Variants in KIF11 observed in about 807,000 individuals in gnomAD.
The protein encoded by KIF11 is kinesin family member 11.
Under a neutral mutation model 121.0 loss-of-function variants are expected in KIF11, and 9 were observed. That is an observed-to-expected ratio of 0.07 (90% CI 0.04 to 0.13). The LOEUF (loss-of-function observed/expected upper bound fraction) is 0.13. Among genes scored for constraint, KIF11 ranks in the 10% least tolerant of loss-of-function variants. The probability of loss-of-function intolerance (pLI) is 1.00; values close to 1 mark genes in which losing one functional copy is unlikely to be tolerated. For synonymous variants in KIF11, 408 were observed against 421.0 expected (o/e 0.97, Z 0.38); for missense variants, 846 against 1,217.5 (o/e 0.69, Z 4.54).
chr10:92,614,101 ATT>A (rs199546714), intron 8 of KIF11, among the ~76,000 whole-genome samples: 1 of 133,422 alleles, frequency 7.5e-6, no homozygotes, highest in Non-Finnish European at 1.6e-5. Flanking sequence ...TAGTAGCTTC[ATT>A]TTTTTTTTTT....
At chr10:92,638,635 A>C (rs1375311119) in intron 16 of KIF11, among the ~76,000 whole-genome samples, 2 of 152,244 alleles carry the variant, frequency 1.3e-5, no homozygotes, top group Non-Finnish European at 2.9e-5. Context: ...GCTTTAAGGA[A>C]GCAAGTTCAG....
chr10:92,624,136 G>A (rs1844645770), intron 10 of KIF11, among the ~76,000 whole-genome samples: 3 of 151,224 alleles, frequency 2.0e-5, no homozygotes, highest in South Asian at 2.1e-4. Context: ...AAGTGAGAAC[G>A]TTTGGTGTTT....
intron 10 of KIF11, among the ~76,000 whole-genome samples, chr10:92,626,892 T>TG (rs200229041): frequency 0.087 from 13,231 of 152,186 alleles, 657 homozygotes; most frequent in Middle Eastern, 0.11. Context: ...CCTGAGTAGC[T>TG]GGGACTACAG....
At chr10:92,605,963 C>T (rs1006888952) in intron 1 of KIF11, among the ~76,000 whole-genome samples, 2 of 152,170 alleles carry the variant, frequency 1.3e-5, no homozygotes, top group Non-Finnish European at 2.9e-5. Context: ...CTGTGCAACA[C>T]AGCAAGACCC....
At chr10:92,608,068 AAAAAAAAC>A (rs904273496) in intron 4 of KIF11, among the ~76,000 whole-genome samples, 1 of 113,164 alleles carries the variant, frequency 8.8e-6, no homozygotes, top group Non-Finnish European at 1.6e-5. Context: ...CTCTGTCTCA[AAAAAAAAC>A]AAAAAAACAA....
At chr10:92,596,838 C>A in intron 1 of KIF11, 1 of 167,990 alleles carries the variant, frequency 6.0e-6, no homozygotes, top group South Asian at 1.4e-4. Context: ...ACCGTGTGGT[C>A]TTTTCCTTTC....
rs1051011411 is a variant in KIF11, at chr10:92,606,606, T to C, written c.211-13T>C. 1 of 1,430,704 alleles carries C rather than the reference T, an allele frequency of 7.0e-7. No homozygotes were observed. Among genetic ancestry groups the C allele is most frequent in the Non-Finnish European group, 9.6e-7 (1 of 1,042,770 alleles). 88.6% of individuals were successfully genotyped at this position (1,430,704 alleles called of 1,614,324 possible). A position where few individuals can be genotyped will look rare whatever the true frequency, so the allele number is the denominator to read the frequency against. ...TTGAGGTTGATTTTTTTTTTTTTAA[T>C]TTTTTTCGTTAGGTGTTTGGAGCAT... On this transcript the variant is annotated splice_polypyrimidine_tract_variant and intron_variant, in intron 2 of 21. Coordinates refer to ENST00000260731, the MANE Select transcript of KIF11 (RefSeq NM_004523.4).
intron 21 of KIF11, among the ~76,000 whole-genome samples, chr10:92,651,838 C>G (rs541757520): frequency 6.6e-4 from 100 of 151,646 alleles, no homozygotes; most frequent in African/African-American, 2.3e-3. Flanking sequence ...GTGCTGGTAT[C>G]TTTTCCTCTA....
chr10:92,609,539 C>A, intron 6 of KIF11, 30 bp downstream of exon 6: 1 of 1,570,662 alleles, frequency 6.4e-7, no homozygotes, highest in East Asian at 2.2e-5. Context: ...TTCCCTAGCC[C>A]CATTTTCTTT....
chr10:92,614,021 T>TAC (rs71028831), intron 8 of KIF11, among the ~76,000 whole-genome samples: 1,654 of 126,910 alleles, frequency 0.013, 18 homozygotes, highest in Middle Eastern at 0.019. Context: ...AGTATGTGTA[T>TAC]ACACACACAC....
At position 92,625,550 on chromosome 10, in the gene KIF11, T is replaced by C. The variant is rs560417583; in HGVS notation, c.1218-3258T>C. Among the ~76,000 whole-genome samples, 59 of 152,124 alleles carry C rather than the reference T, an allele frequency of 3.9e-4. No homozygotes were observed. The East Asian group carries it at 0.011, about 28-fold the overall frequency. On this transcript the variant is annotated intron_variant, in intron 10 of 21. Coordinates refer to ENST00000260731, the MANE Select transcript of KIF11 (RefSeq NM_004523.4). ...TTTTAGTAGAGATGGGATTTCACCA[T>C]GTTGGCCAGGCTGGTCTTGAATTCC...
At chr10:92,647,699 T>G (rs186979265) in intron 18 of KIF11, among the ~76,000 whole-genome samples, 3 of 152,086 alleles carry the variant, frequency 2.0e-5, no homozygotes, top group Non-Finnish European at 4.4e-5. Flanking sequence ...TATGGAGGAG[T>G]TGAGTGGCCA....
chr10:92,614,005 A>C (rs1423563622), intron 8 of KIF11, among the ~76,000 whole-genome samples: 2 of 141,254 alleles, frequency 1.4e-5, no homozygotes, highest in East Asian at 2.1e-4. Context: ...TATAAAAAAA[A>C]AGAAAAGTAT....
At chr10:92,597,461 C>T (rs1346891933) in intron 1 of KIF11, among the ~76,000 whole-genome samples, 2 of 151,938 alleles carry the variant, frequency 1.3e-5, no homozygotes, top group Non-Finnish European at 2.9e-5. Flanking sequence ...GATGGGGTTT[C>T]GCCTTGTTGG....
intron 10 of KIF11, among the ~76,000 whole-genome samples, chr10:92,623,193 T>C (rs7914814): frequency 0.7 from 106,414 of 152,124 alleles, 38,587 homozygotes; most frequent in East Asian, 0.93. Context: ...ACAAGGATCT[T>C]TCTTGCTAAT....
intron 14 of KIF11, 141 bp downstream of exon 14, chr10:92,633,936 C>T: frequency 1.9e-6 from 1 of 535,354 alleles, no homozygotes; most frequent in Non-Finnish European, 3.1e-6. Flanking sequence ...TAGACACAGT[C>T]ATAGACACGT....
chr10:92,648,265 T>C lies in KIF11; in HGVS notation c.2601T>C (p.Asp867=), dbSNP rs1844942662. ...ASSSDITEKS[D]GRKAAHEKQH... ...GTTCAGACATCACTGAGAAATCAGA[T>C]GGACGTAAGGCAGCTCATGAGAAAC... The change falls in exon 19 of 22, where the codon GAT becomes GAC. Residue 867 remains aspartate, a synonymous_variant. Coordinates refer to ENST00000260731, the MANE Select transcript of KIF11 (RefSeq NM_004523.4). 2.5e-6 allele frequency: 4 copies of C among 1,613,512 alleles called. No homozygotes were observed. Among genetic ancestry groups the C allele is most frequent in the African/African-American group, 1.3e-5 (1 of 74,890 alleles).
intron 8 of KIF11, among the ~76,000 whole-genome samples, chr10:92,615,407 A>G (rs146370370): frequency 3.9e-5 from 6 of 152,234 alleles, no homozygotes; most frequent in African/African-American, 1.4e-4. Context: ...CTCTGTCTCA[A>G]AAAAACAAAA....
chr10:92,620,078 CTTTT>C (rs1270524883), intron 9 of KIF11, among the ~76,000 whole-genome samples: 3 of 125,490 alleles, frequency 2.4e-5, no homozygotes, highest in Admixed American at 8.3e-5. Context: ...GGTTCTTTGT[CTTTT>C]TTTTTTTTTT....
Sources: allele counts gnomAD v4.1 joint callset (sites outside exome capture counted in the v4.1 genomes callset), GRCh38; gene constraint gnomAD v4.1.1; transcripts MANE v1.5; gene names NCBI Gene and HGNC (gene_info 2026-07-23, HGNC 2026-07-21).